The following CA10 variants were observed in gnomAD, a reference collection of about 807,000 sequenced individuals.
CA10 encodes carbonic anhydrase 10 (inactive).
A neutral mutation model predicts 44.2 loss-of-function variants in CA10; 14 were observed. The observed-to-expected ratio is 0.32, with a 90% confidence interval of 0.21 to 0.50. CA10 has a LOEUF of 0.50. CA10 is among the 20% of genes least tolerant of loss of function. The pLI, the probability that CA10 is intolerant of heterozygous loss-of-function variation, is 0.99. For missense variants in CA10, 350 were observed against 409.7 expected (o/e 0.85, Z 1.26); for synonymous variants, 159 against 141.6 (o/e 1.12, Z -0.87).
chr17:51,979,200 C>T (rs1984566589), intron 2 of CA10, among the ~76,000 whole-genome samples: 1 of 152,104 alleles, frequency 6.6e-6, no homozygotes, highest in South Asian at 2.1e-4. Flanking sequence ...ATTTCCTCCC[C>T]CACTTATGAC....
chr17:52,119,066 C>T, intron 1 of CA10, among the ~76,000 whole-genome samples: 1 of 152,218 alleles, frequency 6.6e-6, no homozygotes, highest in East Asian at 1.9e-4. Context: ...GCTTAGAACA[C>T]TGCTGATCCT....
intron 2 of CA10, among the ~76,000 whole-genome samples, chr17:52,064,304 T>G (rs1008197224): frequency 1.7e-4 from 26 of 152,344 alleles, no homozygotes; most frequent in African/African-American, 6.0e-4. Context: ...ATTTAAGCCA[T>G]GTCCAGACTT....
intron 1 of CA10, among the ~76,000 whole-genome samples, chr17:52,089,586 C>G (rs1988206854): frequency 6.6e-6 from 1 of 151,720 alleles, no homozygotes; most frequent in Non-Finnish European, 1.5e-5. Flanking sequence ...TAGCTGGTGA[C>G]TATTTATACT....
chr17:51,809,977 A>G (rs1018884812), intron 3 of CA10, among the ~76,000 whole-genome samples: 2 of 152,220 alleles, frequency 1.3e-5, no homozygotes, highest in Non-Finnish European at 2.9e-5. Context: ...CATATAAGCC[A>G]TCATCCATCT....
chr17:51,768,086 G>A (rs894202856), intron 3 of CA10, among the ~76,000 whole-genome samples: 1 of 151,796 alleles, frequency 6.6e-6, no homozygotes, highest in Non-Finnish European at 1.5e-5. Context: ...CTGATTATTT[G>A]CCACAATTTC....
intron 2 of CA10, among the ~76,000 whole-genome samples, chr17:52,007,050 T>C (rs1327624018): frequency 1.3e-5 from 2 of 151,744 alleles, no homozygotes; most frequent in Non-Finnish European, 3.0e-5. Context: ...TTTCCTATTA[T>C]ATTCTCTATT....
intron 2 of CA10, among the ~76,000 whole-genome samples, chr17:52,041,433 C>T (rs1049907594): frequency 6.6e-6 from 1 of 151,952 alleles, no homozygotes; most frequent in African/African-American, 2.4e-5. Context: ...TTTTTACTCC[C>T]CAGCTTTATT....
chr17:51,800,889 A>G (rs904035668), intron 3 of CA10, among the ~76,000 whole-genome samples: 21 of 152,290 alleles, frequency 1.4e-4, no homozygotes, highest in African/African-American at 4.6e-4. Context: ...TTTGACTCCC[A>G]GCCTTCATCA....
chr17:51,752,888 C>T (rs186583709), intron 3 of CA10, among the ~76,000 whole-genome samples: 1 of 152,236 alleles, frequency 6.6e-6, no homozygotes, highest in East Asian at 1.9e-4. Context: ...CACTGCACTG[C>T]AGCCTGGGTG....
chr17:51,631,996 T>C (rs1232401848), intron 8 of CA10, among the ~76,000 whole-genome samples: 1 of 152,198 alleles, frequency 6.6e-6, no homozygotes, highest in East Asian at 1.9e-4. Context: ...TTCTAGTGGA[T>C]GACACTGCTC....
intron 3 of CA10, among the ~76,000 whole-genome samples, chr17:51,912,125 A>C (rs527998024): frequency 4.9e-4 from 74 of 152,322 alleles, no homozygotes; most frequent in African/African-American, 1.6e-3. Flanking sequence ...TTGTGGACTA[A>C]GTAGTATAGC....
intron 2 of CA10, among the ~76,000 whole-genome samples, chr17:51,988,065 G>A (rs573961592): frequency 6.6e-6 from 1 of 152,126 alleles, no homozygotes; most frequent in South Asian, 2.1e-4. Context: ...ATGAATAATA[G>A]TAATGTCATA....
Position 51,675,150 on chromosome 17 carries a change from G to A in CA10, c.466-21414C>T, listed in dbSNP as rs955785626. On this transcript the variant is annotated intron_variant, in intron 4 of 8. Transcript: ENST00000451037. ...GAGGATGCTGCCCATGGAGGCAGCCGGAGGAGGGAAAAGCATAGTCCCCCA... is the reference window on the plus strand; with the variant it reads ...GAGGATGCTGCCCATGGAGGCAGCCAGAGGAGGGAAAAGCATAGTCCCCCA... Among the ~76,000 whole-genome samples, 9 of 152,298 alleles carry A rather than the reference G, an allele frequency of 5.9e-5. No individual in the cohort carries two copies. The South Asian group carries it at 6.2e-4, about 11-fold the overall frequency.
chr17:51,960,351 C>T (rs1983842153), intron 2 of CA10, among the ~76,000 whole-genome samples: 1 of 151,850 alleles, frequency 6.6e-6, no homozygotes, highest in Admixed American at 6.6e-5. Context: ...AAAAAAATAG[C>T]TAAAAACTTC....
intron 3 of CA10, among the ~76,000 whole-genome samples, chr17:51,803,711 T>G (rs748051311): frequency 4.6e-5 from 7 of 152,216 alleles, no homozygotes; most frequent in Non-Finnish European, 8.8e-5. Context: ...GAATATTAAA[T>G]TTTAAAGTAT....
intron 3 of CA10, among the ~76,000 whole-genome samples, chr17:51,829,865 T>C (rs902787162): frequency 1.1e-4 from 16 of 152,104 alleles, no homozygotes; most frequent in African/African-American, 3.6e-4. Flanking sequence ...AGTTTAGAAG[T>C]AGCCCAACCC....
chr17:51,713,610 G>A (rs1034784061), intron 4 of CA10, among the ~76,000 whole-genome samples: 13 of 152,188 alleles, frequency 8.5e-5, no homozygotes, highest in Admixed American at 2.0e-4. Context: ...TAGAGTGTGG[G>A]TACAGGCATC....
intron 2 of CA10, among the ~76,000 whole-genome samples, chr17:51,994,608 A>G (rs913419767): frequency 1.3e-5 from 2 of 152,036 alleles, no homozygotes; most frequent in East Asian, 1.9e-4. Flanking sequence ...GAAACTTCTC[A>G]TCAATGCTAC....
intron 3 of CA10, among the ~76,000 whole-genome samples, chr17:51,885,656 C>T (rs1424656969): frequency 6.6e-6 from 1 of 152,224 alleles, no homozygotes; most frequent in Non-Finnish European, 1.5e-5. Context: ...ATCATCTTAG[C>T]ACATGAGTGC....
Sources: allele counts gnomAD v4.1 joint callset (sites outside exome capture counted in the v4.1 genomes callset), GRCh38; gene constraint gnomAD v4.1.1; transcripts MANE v1.5; gene names NCBI Gene and HGNC (gene_info 2026-07-23, HGNC 2026-07-21).